SCHIP1: variants seen among roughly 807,000 people sequenced by gnomAD.
SCHIP1 encodes the protein schwannomin interacting protein 1.
SCHIP1 carries 8 observed loss-of-function variants against 29.7 expected under a neutral mutation model. The ratio of observed to expected loss-of-function variants is 0.27; its 90% CI spans 0.16 to 0.49. SCHIP1 has a LOEUF of 0.49. Among genes scored for constraint, SCHIP1 ranks in the 20% least tolerant of loss-of-function variants. SCHIP1 has a pLI of 0.99. For missense variants in SCHIP1, 193 were observed against 294.6 expected (o/e 0.66, Z 2.52); for synonymous variants, 76 against 94.9 (o/e 0.80, Z 1.16).
chr3:159,789,288 A>T, the SCHIP1 span, among the ~76,000 whole-genome samples: 33 of 151,826 alleles, frequency 2.2e-4, no homozygotes, highest in African/African-American at 8.0e-4. Context: ...TTTTCAGGGG[A>T]CCTCTCTTTT....
the SCHIP1 span, among the ~76,000 whole-genome samples, chr3:159,830,976 A>G: frequency 3.3e-5 from 5 of 152,346 alleles, no homozygotes; most frequent in Admixed American, 2.6e-4. Context: ...GGATATGGTT[A>G]TGAACCACAG....
At chr3:159,794,632 A>G in the SCHIP1 span, among the ~76,000 whole-genome samples, 2 of 152,332 alleles carry the variant, frequency 1.3e-5, no homozygotes, top group Admixed American at 6.5e-5. Context: ...GTATTTCAAC[A>G]TAATTGGTTT....
At chr3:159,600,695 T>C in the SCHIP1 span, among the ~76,000 whole-genome samples, 10 of 152,374 alleles carry the variant, frequency 6.6e-5, no homozygotes, top group African/African-American at 2.2e-4. Flanking sequence ...TAAGATTTAT[T>C]GCTGAAGAAT....
At chr3:159,883,167 G>A (rs1383677496) in intron 2 of SCHIP1, among the ~76,000 whole-genome samples, 3 of 152,178 alleles carry the variant, frequency 2.0e-5, no homozygotes, top group Non-Finnish European at 2.9e-5. Flanking sequence ...TTTGTACAGT[G>A]CTCTGCTAAA....
the SCHIP1 span, among the ~76,000 whole-genome samples, chr3:159,362,957 A>G: frequency 6.6e-6 from 1 of 152,294 alleles, no homozygotes; most frequent in South Asian, 2.1e-4. Context: ...GGCCCTTATG[A>G]AGAAAGCTGC....
the SCHIP1 span, among the ~76,000 whole-genome samples, chr3:159,707,558 A>G: frequency 6.6e-6 from 1 of 152,244 alleles, no homozygotes; most frequent in East Asian, 1.9e-4. Flanking sequence ...ATTTTAAACT[A>G]CAAAACAGTC....
the SCHIP1 span, among the ~76,000 whole-genome samples, chr3:159,513,718 A>G: frequency 1.3e-5 from 2 of 152,192 alleles, no homozygotes; most frequent in Non-Finnish European, 2.9e-5. Context: ...TCTCCAGACA[A>G]CGGCACAGAA....
chr3:159,315,668 T>G, the SCHIP1 span, among the ~76,000 whole-genome samples: 1 of 152,102 alleles, frequency 6.6e-6, no homozygotes, highest in South Asian at 2.1e-4. Flanking sequence ...TTAATAGTCA[T>G]GCAAACTTAA....
the SCHIP1 span, among the ~76,000 whole-genome samples, chr3:159,454,022 G>T: frequency 6.6e-6 from 1 of 152,176 alleles, no homozygotes; most frequent in Admixed American, 6.5e-5. Context: ...GACAATTCCA[G>T]GTCTTTATCT....
the SCHIP1 span, among the ~76,000 whole-genome samples, chr3:159,712,771 G>GAGAGAGGAAGAAAGGAAGGAAGAA: frequency 6.6e-6 from 1 of 150,728 alleles, no homozygotes; most frequent in Admixed American, 6.6e-5. Flanking sequence ...GAAAGGAAGA[G>GAGAGAGGAAGAAAGGAAGGAAGAA]AGAGAGGAAG....
the SCHIP1 span, among the ~76,000 whole-genome samples, chr3:159,463,777 CAAAT>C: frequency 3.3e-5 from 5 of 151,622 alleles, no homozygotes; most frequent in Non-Finnish European, 7.4e-5. Flanking sequence ...ACACATAGCA[CAAAT>C]AAAGGTTCTT....
the SCHIP1 span, among the ~76,000 whole-genome samples, chr3:159,819,562 A>C: frequency 6.6e-6 from 1 of 152,228 alleles, no homozygotes; most frequent in Admixed American, 6.5e-5. Flanking sequence ...ACTGCTCTTT[A>C]TCTGCTTGAC....
the SCHIP1 span, among the ~76,000 whole-genome samples, chr3:159,505,533 T>A: frequency 1.1e-4 from 17 of 152,210 alleles, no homozygotes; most frequent in African/African-American, 4.1e-4. Flanking sequence ...GCAGGTTTGT[T>A]ACATATGTAT....
chr3:159,677,556 T>G, the SCHIP1 span, among the ~76,000 whole-genome samples: 1 of 152,172 alleles, frequency 6.6e-6, no homozygotes, highest in Non-Finnish European at 1.5e-5. Flanking sequence ...GAAGGTACAT[T>G]TGTTAGGTTA....
the SCHIP1 span, among the ~76,000 whole-genome samples, chr3:159,355,388 G>A: frequency 3.9e-5 from 6 of 152,042 alleles, no homozygotes; most frequent in Non-Finnish European, 8.8e-5. Flanking sequence ...ACCCCCCAAC[G>A]CTGTTACTGT....
At chr3:159,544,558 G>T in the SCHIP1 span, among the ~76,000 whole-genome samples, 153 of 152,124 alleles carry the variant, frequency 1.0e-3, 1 homozygote, top group African/African-American at 3.5e-3. Context: ...CATTCTGGTA[G>T]GTCTGTAATA....
At chr3:159,412,944 T>C in the SCHIP1 span, among the ~76,000 whole-genome samples, 1 of 152,088 alleles carries the variant, frequency 6.6e-6, no homozygotes, top group Non-Finnish European at 1.5e-5. Context: ...ACTGAATAAT[T>C]TATAAAGGAA....
At chr3:159,786,270 C>CT in the SCHIP1 span, among the ~76,000 whole-genome samples, 3 of 151,940 alleles carry the variant, frequency 2.0e-5, no homozygotes, top group Non-Finnish European at 4.4e-5. Flanking sequence ...AAAAAGTCTG[C>CT]TTTTTTTTCC....
At chr3:159,849,001 C>T (rs1205506196) in intron 1 of SCHIP1, among the ~76,000 whole-genome samples, 2 of 151,934 alleles carry the variant, frequency 1.3e-5, no homozygotes, top group Non-Finnish European at 2.9e-5. Flanking sequence ...ATTCATGTTT[C>T]AGGAGCAGAT....
Sources: gnomAD v4.1 joint callset for allele counts (sites outside exome capture counted in the v4.1 genomes callset) on GRCh38, gnomAD v4.1.1 for gene constraint, MANE v1.5 for transcripts, NCBI Gene and HGNC (gene_info 2026-07-23, HGNC 2026-07-21) for gene names.